The following TUSC3 variants were observed in gnomAD, a reference collection of about 807,000 sequenced individuals.
TUSC3 encodes dolichyl-diphosphooligosaccharide--protein glycosyltransferase subunit TUSC3.
In TUSC3, 45 loss-of-function variants were observed where a neutral mutation model predicts 44.8. The observed-to-expected ratio is 1.00, with a 90% CI of 0.79 to 1.29. TUSC3 has a LOEUF of 1.29. Among genes scored for constraint, TUSC3 ranks in the 50% most tolerant of loss-of-function variants. The probability of loss-of-function intolerance (pLI) is 0.00; values close to 1 mark genes in which losing one functional copy is unlikely to be tolerated. For missense variants in TUSC3, 519 were observed against 437.9 expected, an observed-to-expected ratio of 1.19 and a Z score of -1.65; for synonymous variants, 212 against 152.9, an observed-to-expected ratio of 1.39 and a Z score of -2.85.
chr8:15,789,253 G>C, the TUSC3 span, among the ~76,000 whole-genome samples: 1 of 152,166 alleles, frequency 6.6e-6, no homozygotes, highest in Non-Finnish European at 1.5e-5. Context: ...CTCAGCAGTT[G>C]CTTGCAATGT....
At chr8:15,592,942 A>G (rs1311014942) in intron 1 of TUSC3, among the ~76,000 whole-genome samples, 5 of 152,166 alleles carry the variant, frequency 3.3e-5, no homozygotes, top group Admixed American at 1.3e-4. Flanking sequence ...TCTTGAGCCC[A>G]TGCACTTCAA....
At chr8:15,716,317 A>G (rs535317504) in intron 6 of TUSC3, among the ~76,000 whole-genome samples, 35 of 152,236 alleles carry the variant, frequency 2.3e-4, no homozygotes, top group African/African-American at 7.7e-4. Flanking sequence ...TCATTAATAC[A>G]TATTTCTGAT....
At chr8:15,744,667 A>G (rs1031111572) in intron 8 of TUSC3, among the ~76,000 whole-genome samples, 3 of 151,218 alleles carry the variant, frequency 2.0e-5, no homozygotes, top group African/African-American at 7.3e-5. Context: ...CTCTTTTCCT[A>G]TGGTATCATC....
intron 2 of TUSC3, among the ~76,000 whole-genome samples, chr8:15,516,643 A>T (rs961473811): frequency 6.6e-6 from 1 of 152,158 alleles, no homozygotes; most frequent in Non-Finnish European, 1.5e-5. Context: ...GTTCTCTCTC[A>T]CATTCACACT....
At chr8:15,755,930 T>G (rs1175647352) in intron 9 of TUSC3, among the ~76,000 whole-genome samples, 1 of 152,194 alleles carries the variant, frequency 6.6e-6, no homozygotes, top group Non-Finnish European at 1.5e-5. Context: ...TGGCACTCTG[T>G]GCTCACAAAA....
intron 3 of TUSC3, among the ~76,000 whole-genome samples, chr8:15,652,051 C>G (rs1806935339): frequency 1.3e-5 from 2 of 152,200 alleles, no homozygotes; most frequent in Admixed American, 1.3e-4. Flanking sequence ...TTGAACTCAA[C>G]TGTGTGGCTC....
chr8:15,421,715 A>C (rs916580036), intron 1 of TUSC3, among the ~76,000 whole-genome samples: 1 of 152,172 alleles, frequency 6.6e-6, no homozygotes, highest in Non-Finnish European at 1.5e-5. Context: ...CTATTCATGC[A>C]TGAATGAAAT....
the TUSC3 span, among the ~76,000 whole-genome samples, chr8:15,788,849 G>C: frequency 2.0e-5 from 3 of 152,080 alleles, no homozygotes; most frequent in Admixed American, 6.6e-5. Context: ...TTAGTAATGA[G>C]GGCGAGGGGC....
intron 1 of TUSC3, among the ~76,000 whole-genome samples, chr8:15,568,887 T>C (rs984807532): frequency 2.0e-5 from 3 of 152,122 alleles, no homozygotes; most frequent in African/African-American, 7.2e-5. Context: ...TATTTTTTTT[T>C]CCTCATATTT....
chr8:15,537,607 G>A (rs1205438943), upstream of TUSC3, among the ~76,000 whole-genome samples: 3 of 152,288 alleles, frequency 2.0e-5, no homozygotes, highest in East Asian at 5.8e-4. Context: ...GAATGCTAGA[G>A]TTACAAAATG....
At chr8:15,604,408 A>G (rs1372144109) in intron 1 of TUSC3, among the ~76,000 whole-genome samples, 7 of 151,746 alleles carry the variant, frequency 4.6e-5, no homozygotes, top group South Asian at 2.1e-4. Context: ...GATAATTGTC[A>G]TTGATGAGTA....
intron 1 of TUSC3, among the ~76,000 whole-genome samples, chr8:15,558,425 T>C (rs1340205043): frequency 1.7e-5 from 1 of 60,392 alleles, no homozygotes; most frequent in African/African-American, 4.4e-5. Flanking sequence ...TTATTGAGGA[T>C]TTTTGCATCA....
intron 2 of TUSC3, among the ~76,000 whole-genome samples, chr8:15,641,529 A>T (rs969602286): frequency 6.6e-6 from 1 of 152,172 alleles, no homozygotes; most frequent in Non-Finnish European, 1.5e-5. Flanking sequence ...GCAAATAGTC[A>T]ATGAATTTTA....
At chr8:15,656,340 G>T (rs1807163052) in intron 3 of TUSC3, among the ~76,000 whole-genome samples, 1 of 152,054 alleles carries the variant, frequency 6.6e-6, no homozygotes, top group Non-Finnish European at 1.5e-5. Context: ...CCCTCCAGCT[G>T]TGTATCTGAA....
intron 2 of TUSC3, among the ~76,000 whole-genome samples, chr8:15,506,819 G>C (rs1801058132): frequency 1.3e-5 from 2 of 152,080 alleles, no homozygotes; most frequent in South Asian, 2.1e-4. Context: ...CCAAATCACA[G>C]CCATTCCAGA....
chr8:15,712,925 G>A (rs1216556313), intron 6 of TUSC3, among the ~76,000 whole-genome samples: 14 of 152,010 alleles, frequency 9.2e-5, no homozygotes, highest in Non-Finnish European at 1.5e-4. Flanking sequence ...TCCTTTATGC[G>A]TAGCTCCATT....
intron 1 of TUSC3, among the ~76,000 whole-genome samples, chr8:15,569,386 G>C (rs1485596883): frequency 5.3e-5 from 8 of 152,114 alleles, no homozygotes. Flanking sequence ...TAATCAGAGA[G>C]TTTCCTCGTG....
chr8:15,778,797 G>A, the TUSC3 span, among the ~76,000 whole-genome samples: 1 of 152,288 alleles, frequency 6.6e-6, no homozygotes, highest in East Asian at 1.9e-4. Flanking sequence ...TTAGGCTACT[G>A]TGACTATCTG....
chr8:15,665,009 A>T (rs1807594631), intron 5 of TUSC3, among the ~76,000 whole-genome samples: 1 of 151,646 alleles, frequency 6.6e-6, no homozygotes, highest in African/African-American at 2.4e-5. Flanking sequence ...AGATTTCCTT[A>T]GAAAGTTAAG....
Sources: allele counts gnomAD v4.1 joint callset (sites outside exome capture counted in the v4.1 genomes callset), GRCh38; gene constraint gnomAD v4.1.1; transcripts MANE v1.5; gene names NCBI Gene and HGNC (gene_info 2026-07-23, HGNC 2026-07-21).